The following TTC7A variants were observed in gnomAD, a reference collection of about 807,000 sequenced individuals.
TTC7A encodes the protein tetratricopeptide repeat domain 7A.
Under a neutral mutation model 103.7 loss-of-function variants are expected in TTC7A, and 110 were observed. The ratio of observed to expected loss-of-function variants is 1.06; its 90% CI spans 0.91 to 1.24. The LOEUF (loss-of-function observed/expected upper bound fraction) is 1.24, where lower values mean the gene tolerates loss of function less well. Ranked by LOEUF, TTC7A falls within the 50% of genes most tolerant of loss-of-function variation. The pLI is 0.00. For missense variants in TTC7A, 1,340 were observed against 1,116.3 expected, an observed-to-expected ratio of 1.20 and a Z score of -2.86; for synonymous variants, 521 against 467.9, an observed-to-expected ratio of 1.11 and a Z score of -1.47.
At chr2:47,006,834 T>C in intron 10 of TTC7A, 110 bp downstream of exon 10, 1 of 881,630 alleles carries the variant, frequency 1.1e-6, no homozygotes, top group Non-Finnish European at 1.9e-6. Flanking sequence ...ATCCTGCCGC[T>C]GGTTTGAACC....
chr2:46,994,469 T>G lies in TTC7A; in HGVS notation c.956T>G (p.Phe319Cys). The change falls in exon 7 of 20, where the codon TTC (phenylalanine) becomes TGC (cysteine). Residue 319 changes from phenylalanine (F) to cysteine (C), a missense_variant. Transcript: ENST00000319190. ...TTCATGGGCAAGGAGGAGAGTTCTT[T>G]CGCCACTCAGGCCCTGCGGAAACCT... is the stretch of plus-strand genomic sequence containing the variant. Reference protein sequence around the residue: ...PEFMGKEESSFATQALRKPHL... With the variant: ...PEFMGKEESSCATQALRKPHL... The G allele has an allele frequency of 6.2e-7, 1 of 1,614,074 alleles. No individual in the cohort carries two copies. The highest frequency in any genetic ancestry group is 8.5e-7 in the Non-Finnish European group (1 of 1,179,992).
At chr2:47,067,102 G>A (rs183463845) in intron 19 of TTC7A, among the ~76,000 whole-genome samples, 28 of 152,320 alleles carry the variant, frequency 1.8e-4, no homozygotes, top group South Asian at 4.1e-4. Context: ...GGCAAAGCCC[G>A]CCTGACCTCA....
Position 47,075,463 on chromosome 2 carries a change from T to G in TTC7A, c.*1540T>G, listed in dbSNP as rs552339038. The G allele has an allele frequency of 6.6e-6, 1 of 152,354 alleles. No individual in the cohort carries two copies. The highest frequency in any genetic ancestry group is 2.1e-4 in the South Asian group (1 of 4,822). 9.4% of individuals were successfully genotyped at this position (152,354 alleles called of 1,614,324 possible). ...GGCACCCAATGCATTTCCTGACTTT[T>G]AAGCATTTCCTTGTTGGAAGCAGCA... On this transcript the variant is annotated 3_prime_UTR_variant, in exon 20 of 20. Transcript: ENST00000319190.
chr2:47,045,196 C>T (rs1354676198), intron 15 of TTC7A, among the ~76,000 whole-genome samples: 1 of 152,230 alleles, frequency 6.6e-6, no homozygotes, highest in Non-Finnish European at 1.5e-5. Context: ...TCGCAGGCTG[C>T]CCAGGCAGCT....
intron 19 of TTC7A, among the ~76,000 whole-genome samples, chr2:47,072,351 C>T (rs1237217085): frequency 6.6e-6 from 1 of 152,214 alleles, no homozygotes; most frequent in Admixed American, 6.5e-5. Flanking sequence ...CTCTTCCTCC[C>T]CCGCCCCCTG....
intron 5 of TTC7A, among the ~76,000 whole-genome samples, chr2:46,989,320 G>C (rs1211613124): frequency 6.6e-6 from 1 of 152,214 alleles, no homozygotes; most frequent in South Asian, 2.1e-4. Context: ...GTTAAAAGTG[G>C]GCAGCTTTGC....
intron 5 of TTC7A, among the ~76,000 whole-genome samples, chr2:46,987,706 C>T (rs1558542145): frequency 6.6e-6 from 1 of 152,134 alleles, no homozygotes; most frequent in African/African-American, 2.4e-5. Context: ...GCTCACTGCA[C>T]CAAAATCAAA....
At chr2:46,950,294 A>C in intron 1 of TTC7A, 69 bp from the exon 2 acceptor site, 1 of 1,569,282 alleles carries the variant, frequency 6.4e-7, no homozygotes, top group Non-Finnish European at 8.7e-7. Flanking sequence ...TGGGTCCAGG[A>C]GTGTGCAACT....
chr2:46,915,894 C>G (rs970441749), upstream of TTC7A: 7 of 984,688 alleles, frequency 7.1e-6, 1 homozygote, highest in South Asian at 2.8e-4. Context: ...CTCCCGCTGG[C>G]GGCGGCGGGC....
At position 46,979,758 on chromosome 2, in the gene TTC7A, G is replaced by T. The variant is rs576822135; in HGVS notation, c.764+851G>T. On this transcript the variant is annotated intron_variant, in intron 5 of 19. Coordinates refer to ENST00000319190, the MANE Select transcript of TTC7A (RefSeq NM_020458.4). The stretch of plus-strand genomic sequence containing the variant: ...GCTGGCAACATCTCCACCAGTCTGG[G>T]GACTCCCAGGCGGGAGCTGAGGTTT... Among the ~76,000 whole-genome samples the T allele has an allele frequency of 3.9e-5, 6 of 152,350 alleles. 1 individual carries two copies. Among genetic ancestry groups the T allele is most frequent in the African/African-American group, 1.4e-4 (6 of 41,568 alleles).
intron 5 of TTC7A, among the ~76,000 whole-genome samples, chr2:46,993,223 G>A (rs1030865528): frequency 8.5e-5 from 13 of 152,220 alleles, no homozygotes; most frequent in Admixed American, 8.5e-4. Context: ...GTTGCTGGGG[G>A]GAAAGAGGGA....
intron 18 of TTC7A, 144 bp from the exon 19 acceptor site, chr2:47,060,625 A>G: frequency 1.4e-6 from 1 of 689,788 alleles, no homozygotes; most frequent in Non-Finnish European, 2.4e-6. Context: ...TACATCCTAT[A>G]GTCAGTGTGT....
At chr2:46,942,654 A>T (rs1002514740) in intron 1 of TTC7A, among the ~76,000 whole-genome samples, 24 of 152,252 alleles carry the variant, frequency 1.6e-4, no homozygotes, top group Middle Eastern at 3.4e-3. Flanking sequence ...CACTTTACAG[A>T]TAAGGAAACT....
At chr2:46,940,062 G>T (rs1000739183), upstream of TTC7A, among the ~76,000 whole-genome samples, 2 of 152,174 alleles carry the variant, frequency 1.3e-5, no homozygotes, top group Non-Finnish European at 2.9e-5. The surrounding 1 kb of genome is among the most constrained non-coding windows in gnomAD (Gnocchi z 4.7). Flanking sequence ...TCGGGGGTCA[G>T]TGGGAACAGG....
At chr2:47,051,679 C>G (rs1682867219) in intron 17 of TTC7A, 67 bp from the exon 18 acceptor site, 2 of 1,525,378 alleles carry the variant, frequency 1.3e-6, no homozygotes, top group South Asian at 1.3e-5. Context: ...TGGGCAATGA[C>G]TGCTCCTGGG....
intron 4 of TTC7A, among the ~76,000 whole-genome samples, chr2:46,977,941 G>C (rs1674035871): frequency 6.6e-6 from 1 of 152,158 alleles, no homozygotes; most frequent in South Asian, 2.1e-4. Flanking sequence ...AACAAAACCA[G>C]CCCTGTAGGA....
chr2:47,065,561 G>A (rs538789492), intron 19 of TTC7A, among the ~76,000 whole-genome samples: 114 of 152,322 alleles, frequency 7.5e-4, no homozygotes, highest in African/African-American at 2.6e-3. Context: ...TGAGAGGGGA[G>A]GAGGAACACC....
chr2:46,999,881 G>C, intron 8 of TTC7A: 7 of 985,446 alleles, frequency 7.1e-6, no homozygotes, highest in Non-Finnish European at 8.4e-6. Context: ...GGTGTTGAGA[G>C]TGGGGTGGAT....
At chr2:46,957,036 C>T (rs995538134) in intron 3 of TTC7A, 29 bp downstream of exon 3, 2 of 1,613,702 alleles carry the variant, frequency 1.2e-6, no homozygotes, top group African/African-American at 1.3e-5. Flanking sequence ...CTGGGCTCCC[C>T]TCCACTGTGT....
Sources: allele counts gnomAD v4.1 joint callset (sites outside exome capture counted in the v4.1 genomes callset), GRCh38; gene constraint gnomAD v4.1.1; non-coding constraint Gnocchi (gnomAD v3.1); transcripts MANE v1.5; gene names NCBI Gene and HGNC (gene_info 2026-07-23, HGNC 2026-07-21).